The following CCDC158 variants were observed in gnomAD, a reference collection of about 807,000 sequenced individuals.
The protein encoded by CCDC158 is coiled-coil domain-containing protein 158.
A neutral mutation model predicts 138.6 loss-of-function variants in CCDC158; 116 were observed. The observed-to-expected ratio is 0.84, with a 90% CI of 0.72 to 0.98. The LOEUF is 0.98. Among genes scored for constraint, CCDC158 ranks in the 50% least tolerant of loss-of-function variants. The pLI is 0.00. For synonymous variants in CCDC158, 436 were observed against 442.4 expected (o/e 0.99, Z 0.18); for missense variants, 1,265 against 1,306.1 (o/e 0.97, Z 0.48).
intron 9 of CCDC158, 103 bp from the exon 10 acceptor site, chr4:76,371,639 A>C (rs1272514738): frequency 1.7e-5 from 25 of 1,432,828 alleles, no homozygotes; most frequent in Non-Finnish European, 2.4e-5. Context: ...GAGAACAAAA[A>C]TAAAAGTTCG....
chr4:76,324,678 T>C (rs562286659), intron 23 of CCDC158, among the ~76,000 whole-genome samples: 2 of 152,226 alleles, frequency 1.3e-5, no homozygotes, highest in East Asian at 3.9e-4. Flanking sequence ...AGCAACTCCA[T>C]CTTGGATGCT....
intron 3 of CCDC158, among the ~76,000 whole-genome samples, chr4:76,398,266 G>T (rs77794721): frequency 0.029 from 4,476 of 152,214 alleles, 221 homozygotes; most frequent in African/African-American, 0.1. Flanking sequence ...ATATTCACAA[G>T]GTTTCAAAAG....
intron 9 of CCDC158, chr4:76,375,343 G>A (rs775526383): frequency 2.5e-4 from 106 of 422,058 alleles, no homozygotes; most frequent in South Asian, 3.4e-4. Flanking sequence ...CAAATCACAC[G>A]AGGTTTGGTT....
chr4:76,374,073 T>C (rs1725494868), intron 9 of CCDC158, among the ~76,000 whole-genome samples: 1 of 152,100 alleles, frequency 6.6e-6, no homozygotes, highest in Non-Finnish European at 1.5e-5. Flanking sequence ...GGAGGATCGC[T>C]TGAGCCTGGG....
intron 14 of CCDC158, 52 bp from the exon 15 acceptor site, chr4:76,355,488 C>T (rs1723460217): frequency 8.5e-7 from 1 of 1,173,776 alleles, no homozygotes; most frequent in African/African-American, 1.5e-5. Flanking sequence ...GTTTGAGAGA[C>T]TATGGTAATT....
chr4:76,412,847 G>C (rs13434799), intron 1 of CCDC158, among the ~76,000 whole-genome samples: 4,464 of 152,238 alleles, frequency 0.029, 222 homozygotes, highest in African/African-American at 0.1. Flanking sequence ...TTTAATTTTA[G>C]TGGCACAGAT....
intron 2 of CCDC158, among the ~76,000 whole-genome samples, chr4:76,405,112 T>G (rs187191860): frequency 6.6e-6 from 1 of 152,072 alleles, no homozygotes; most frequent in Non-Finnish European, 1.5e-5. Flanking sequence ...TATTAAGACT[T>G]TAAAGATAAT....
At chr4:76,329,602 C>T (rs1418954541) in intron 21 of CCDC158, among the ~76,000 whole-genome samples, 1 of 151,994 alleles carries the variant, frequency 6.6e-6, no homozygotes, top group African/African-American at 2.4e-5. Context: ...AAATAAATGA[C>T]AATGACAACA....
intron 9 of CCDC158, 32 bp downstream of exon 9, chr4:76,379,258 T>C: frequency 1.5e-6 from 2 of 1,295,752 alleles, no homozygotes; most frequent in Non-Finnish European, 2.2e-6. Context: ...TATTAAAGTC[T>C]CTAGAAACAG....
At chr4:76,375,591 A>G (rs1332038967) in intron 9 of CCDC158, 11 of 702,882 alleles carry the variant, frequency 1.6e-5, no homozygotes, top group Middle Eastern at 2.3e-4. Context: ...AATCAACATC[A>G]GGAGATATTT....
intron 15 of CCDC158, among the ~76,000 whole-genome samples, chr4:76,353,651 C>T (rs1459989732): frequency 6.6e-6 from 1 of 152,136 alleles, no homozygotes; most frequent in Non-Finnish European, 1.5e-5. Context: ...AGATGCATTA[C>T]TTGAAAGTTT....
chr4:76,416,629 G>A (rs1459610199), intron 1 of CCDC158, among the ~76,000 whole-genome samples: 1 of 152,210 alleles, frequency 6.6e-6, no homozygotes, highest in Non-Finnish European at 1.5e-5. Context: ...TGTCCCAGCT[G>A]CTCCAGTCAT....
At chr4:76,417,926 G>A (rs1729825985) in intron 1 of CCDC158, among the ~76,000 whole-genome samples, 1 of 152,188 alleles carries the variant, frequency 6.6e-6, no homozygotes, top group South Asian at 2.1e-4. Context: ...AAGTGGGGAT[G>A]AGAGGGCTTC....
intron 4 of CCDC158, among the ~76,000 whole-genome samples, chr4:76,389,498 A>C (rs572879966): frequency 1.3e-5 from 2 of 152,190 alleles, no homozygotes; most frequent in East Asian, 3.9e-4. Flanking sequence ...AATCTAAGTT[A>C]CTGGCCTTAA....
Position 76,353,170 on chromosome 4 carries a change from G to A in CCDC158, c.2398C>T (p.Arg800Cys), listed in dbSNP as rs776672697. Residue 800 changes from arginine (R) to cysteine (C), a missense_variant, in exon 16 of 25, where the codon CGC becomes TGC. By Grantham distance (180) the Arg-to-Cys change is radical (BLOSUM62 -3). Transcript: ENST00000682701. ...GELEVLRSQE[R>C]RLKEKVTNME... ...TTAGTAACCTTTTCTTTCAAACGGC[G>A]TTCCTGAGATCGCAGAACTTCCAAC... 26 of 1,613,516 alleles carry A rather than the reference G, an allele frequency of 1.6e-5. No individual in the cohort carries two copies. Among genetic ancestry groups the A allele is most frequent in the East Asian group, 1.3e-4 (6 of 44,842 alleles).
chr4:76,400,218 G>A (rs1478967606), intron 3 of CCDC158, among the ~76,000 whole-genome samples: 1 of 152,018 alleles, frequency 6.6e-6, no homozygotes, highest in African/African-American at 2.4e-5. Context: ...GGAATACTAT[G>A]CAGCCATAAA....
At chr4:76,409,787 C>T (rs932232008) in intron 2 of CCDC158, among the ~76,000 whole-genome samples, 4 of 151,848 alleles carry the variant, frequency 2.6e-5, no homozygotes, top group South Asian at 2.1e-4. Flanking sequence ...GCGGAGATCA[C>T]GCCACTGCAC....
intron 18 of CCDC158, among the ~76,000 whole-genome samples, chr4:76,349,365 A>G (rs192770460): frequency 7.3e-4 from 111 of 152,332 alleles, no homozygotes; most frequent in African/African-American, 2.6e-3. Context: ...TGTTAGAATT[A>G]TTATTTAAAA....
At chr4:76,401,133 G>T in intron 3 of CCDC158, 1 of 227,414 alleles carries the variant, frequency 4.4e-6, no homozygotes, top group South Asian at 6.2e-5. Flanking sequence ...TTTTGATATG[G>T]GTACACTACC....
Sources: gnomAD v4.1 joint callset for allele counts (sites outside exome capture counted in the v4.1 genomes callset) on GRCh38, gnomAD v4.1.1 for gene constraint, MANE v1.5 for transcripts, NCBI Gene and HGNC (gene_info 2026-07-23, HGNC 2026-07-21) for gene names.